Variants in SORBS2 observed in about 807,000 individuals in gnomAD.
SORBS2 encodes sorbin and SH3 domain-containing protein 2.
SORBS2 carries 46 observed loss-of-function variants against 97.7 expected under a neutral mutation model. That is an observed-to-expected ratio of 0.47 (90% confidence interval 0.37 to 0.60). The LOEUF (loss-of-function observed/expected upper bound fraction) is 0.60, where lower values mean the gene tolerates loss of function less well. SORBS2 is among the 20% of genes least tolerant of loss of function. The pLI is 0.00. For synonymous variants in SORBS2, 476 were observed against 473.4 expected (o/e 1.01, Z -0.07); for missense variants, 1,316 against 1,282.3 (o/e 1.03, Z -0.40).
Position 185,925,354 on chromosome 4 carries a change from G to A in SORBS2, c.-338+30842C>T, listed in dbSNP as rs116597013. On this transcript the variant is annotated intron_variant, in intron 1 of 20. Transcript: ENST00000284776. ...CCCTAGAGGCAGAATAGGATGTGGT[G>A]GGTGGTCAGAATTATAATTAGTGCA... Among the ~76,000 whole-genome samples, 1,276 of 152,212 alleles carry A rather than the reference G, an allele frequency of 8.4e-3. 20 individuals carry two copies. Among genetic ancestry groups the A allele is most frequent in the African/African-American group, 0.028 (1,175 of 41,534 alleles).
intron 2 of SORBS2, among the ~76,000 whole-genome samples, chr4:185,759,588 C>T (rs547780844): frequency 1.7e-4 from 25 of 148,888 alleles, no homozygotes; most frequent in African/African-American, 4.7e-4. Context: ...ATCTCTCAAA[C>T]GGGTGAGTTC....
intron 4 of SORBS2, among the ~76,000 whole-genome samples, chr4:185,670,014 T>A (rs2097686327): frequency 6.6e-6 from 1 of 151,520 alleles, no homozygotes; most frequent in Non-Finnish European, 1.5e-5. Context: ...AGGTCAGGAG[T>A]TCTAGACCAG....
rs143093528 is a variant in SORBS2 at position 185,599,220 on chromosome 4, C to T, written c.2797-5285G>A. ...CTTGAAATGCAGAAGCACGGCCATG[C>T]GATAGGCCAGTCAAGGTTGAATCCG... On this transcript the variant is annotated intron_variant, in intron 12 of 14. Transcript: ENST00000418609. Among the ~76,000 whole-genome samples, 120 of 152,190 alleles carry T rather than the reference C, an allele frequency of 7.9e-4. 1 individual carries two copies. Among genetic ancestry groups the T allele is most frequent in the African/African-American group, 2.8e-3 (118 of 41,518 alleles).
At chr4:185,628,377 G>GTGAGACAA (rs2096853352) in intron 5 of SORBS2, among the ~76,000 whole-genome samples, 1 of 150,242 alleles carries the variant, frequency 6.7e-6, no homozygotes. Context: ...TCACCTCAAG[G>GTGAGACAA]GTTGCCTGCA....
chr4:185,646,246 C>T (rs991679064), intron 4 of SORBS2: 1 of 153,066 alleles, frequency 6.5e-6, no homozygotes, highest in Non-Finnish European at 1.5e-5. Flanking sequence ...CATTAGCAAG[C>T]TATGATAGCA....
At chr4:185,798,444 A>G (rs1182536056) in intron 1 of SORBS2, among the ~76,000 whole-genome samples, 1 of 152,132 alleles carries the variant, frequency 6.6e-6, no homozygotes, top group African/African-American at 2.4e-5. Flanking sequence ...TTAAACAAAG[A>G]AAAAAAGATT....
At position 185,678,782 on chromosome 4, in the gene SORBS2, T is replaced by C; in HGVS notation, c.-171+14A>G. 6.9e-7 allele frequency: 1 copy of C among 1,446,450 alleles called. No individual in the cohort carries two copies. Among genetic ancestry groups the C allele is most frequent in the Non-Finnish European group, 9.2e-7 (1 of 1,087,132 alleles). The allele number at this position is 1,446,450 out of a possible 1,614,324, so 89.6% of individuals were successfully genotyped here. A position where few individuals can be genotyped will look rare whatever the true frequency, so the allele number is the denominator to read the frequency against. On this transcript the variant is annotated intron_variant, in intron 3 of 20. Coordinates refer to the SORBS2 transcript ENST00000284776. ...CAAATAATATAATAATTATTCAGAA[T>C]ATTTTTTCTGTACCTGAGTCTGGTG...
intron 1 of SORBS2, among the ~76,000 whole-genome samples, chr4:185,870,654 A>G (rs977887340): frequency 3.9e-5 from 6 of 152,196 alleles, no homozygotes; most frequent in Admixed American, 6.5e-5. Context: ...TCTCTCAGGC[A>G]GCTTCTGCAG....
chr4:185,755,939 T>A (rs892182501), intron 2 of SORBS2, among the ~76,000 whole-genome samples: 1 of 152,174 alleles, frequency 6.6e-6, no homozygotes, highest in South Asian at 2.1e-4. Flanking sequence ...AGATCTGAAG[T>A]AAATATCAGT....
At chr4:185,879,178 C>CG (rs1269690939) in intron 1 of SORBS2, among the ~76,000 whole-genome samples, 49 of 126,090 alleles carry the variant, frequency 3.9e-4, no homozygotes, top group African/African-American at 1.4e-3. Context: ...CCCCCCCCCA[C>CG]CCCACGACAG....
At chr4:185,763,636 C>A (rs1224570013) in intron 2 of SORBS2, among the ~76,000 whole-genome samples, 1 of 152,104 alleles carries the variant, frequency 6.6e-6, no homozygotes, top group Non-Finnish European at 1.5e-5. Flanking sequence ...ACCCACGTGC[C>A]CCATCCCCTA....
At chr4:185,815,994 G>A (rs2099193054) in intron 1 of SORBS2, among the ~76,000 whole-genome samples, 1 of 152,200 alleles carries the variant, frequency 6.6e-6, no homozygotes, top group Non-Finnish European at 1.5e-5. Context: ...TATCAGAGTT[G>A]AAACTAAAGA....
chr4:185,834,607 G>A (rs1486141166), intron 1 of SORBS2, among the ~76,000 whole-genome samples: 2 of 151,952 alleles, frequency 1.3e-5, no homozygotes, highest in Non-Finnish European at 2.9e-5. Context: ...ATCATGAAAT[G>A]AGAACTACTC....
chr4:185,697,141 G>A (rs1007885695), intron 2 of SORBS2, among the ~76,000 whole-genome samples: 2 of 152,000 alleles, frequency 1.3e-5, no homozygotes, highest in African/African-American at 2.4e-5. Context: ...CATTATCATC[G>A]ACTCCCCCGC....
chr4:185,601,001 C>T (rs2096249752), intron 12 of SORBS2, among the ~76,000 whole-genome samples: 1 of 152,012 alleles, frequency 6.6e-6, no homozygotes, highest in Non-Finnish European at 1.5e-5. Flanking sequence ...CAATAGCGGA[C>T]AGGATCTGGC....
chr4:185,907,942 T>C lies in SORBS2; in HGVS notation c.-338+48254A>G, dbSNP rs563054096. On this transcript the variant is annotated intron_variant, in intron 1 of 20. Coordinates refer to the SORBS2 transcript ENST00000284776. The stretch of plus-strand genomic sequence containing the variant: ...TAAGAGAATTGAAACAATCCCAGAA[T>C]TGTGTTCCCAACATAGCTTAGTATA... Among the ~76,000 whole-genome samples the C allele has an allele frequency of 4.5e-4, 69 of 152,228 alleles. No individual in the cohort carries two copies. The South Asian group carries it at 8.3e-3, about 18-fold the overall frequency.
intron 1 of SORBS2, among the ~76,000 whole-genome samples, chr4:185,921,275 G>A (rs1276756914): frequency 1.3e-5 from 2 of 152,126 alleles, no homozygotes; most frequent in Non-Finnish European, 2.9e-5. Flanking sequence ...CATCAATACC[G>A]TAAGGATTAG....
Position 185,589,777 on chromosome 4 carries a change from G to A in SORBS2, c.2855C>T (p.Ala952Val), listed in dbSNP as rs725185. Residue 952 changes from alanine (A) to valine (V), a missense_variant, in exon 14 of 15, where the codon GCT (alanine) becomes GTT (valine). Ala to Val is a moderately conservative substitution (Grantham distance 64). Transcript: ENST00000418609. ...ATTCCTGGGAGTATAGTTATACAGA[G>A]CCTGAAACCTTAAACAGGACAAGGG... The A allele has an allele frequency of 2.0e-4, 319 of 1,589,758 alleles. 1 individual carries two copies. In the East Asian group the frequency reaches 6.7e-3, roughly 34 times the overall value.
At chr4:185,739,724 G>A (rs923254563) in intron 2 of SORBS2, among the ~76,000 whole-genome samples, 3 of 152,158 alleles carry the variant, frequency 2.0e-5, no homozygotes, top group Non-Finnish European at 4.4e-5. Flanking sequence ...GCTATGAGGA[G>A]ATGTGACATT....
Sources: gnomAD v4.1 joint callset for allele counts (sites outside exome capture counted in the v4.1 genomes callset) on GRCh38, gnomAD v4.1.1 for gene constraint, MANE v1.5 for transcripts, NCBI Gene and HGNC (gene_info 2026-07-23, HGNC 2026-07-21) for gene names.